Variants in PTPN21 observed in about 807,000 individuals in gnomAD.
PTPN21 encodes protein tyrosine phosphatase non-receptor type 21, also known as tyrosine-protein phosphatase non-receptor type 21.
PTPN21 carries 77 observed loss-of-function variants against 131.8 expected under a neutral mutation model. That is an observed-to-expected ratio of 0.58 (90% CI 0.49 to 0.71). The LOEUF is 0.71. Ranked by LOEUF, PTPN21 falls within the 30% of genes least tolerant of loss-of-function variation. The pLI, the probability that PTPN21 is intolerant of heterozygous loss-of-function variation, is 0.00. For synonymous variants in PTPN21, 715 were observed against 621.3 expected (o/e 1.15, Z -2.24); for missense variants, 1,552 against 1,527.1 (o/e 1.02, Z -0.27).
intron 10 of PTPN21, chr14:88,493,221 T>C: frequency 2.8e-6 from 1 of 354,862 alleles, no homozygotes; most frequent in Non-Finnish European, 5.5e-6. Context: ...AAGCATTTAC[T>C]AAATTATTGT....
rs187025090 is a variant in PTPN21, at chr14:88,500,588, A to T, written c.764+195T>A. Among the ~76,000 whole-genome samples the T allele has an allele frequency of 1.1e-3, 174 of 152,316 alleles. 4 individuals are homozygous for T. The highest frequency in any genetic ancestry group is 3.9e-3 in the African/African-American group (164 of 41,572). ...ATTATAGGCATTATACTCTGGACAT[A>T]GAGTTTTGAAGAAAGCGGCTTATTG... On this transcript the variant is annotated intron_variant, in intron 8 of 18. Coordinates refer to ENST00000556564, the MANE Select transcript of PTPN21 (RefSeq NM_007039.4).
chr14:88,530,068 A>G (rs2078533319), intron 2 of PTPN21, among the ~76,000 whole-genome samples: 1 of 152,158 alleles, frequency 6.6e-6, no homozygotes, highest in South Asian at 2.1e-4. Flanking sequence ...TATCAGATTA[A>G]CAGCAGATTT....
In PTPN21 at chr14:88,531,968, T is replaced by C. The variant is rs951804886; in HGVS notation, c.181-14707A>G. On this transcript the variant is annotated intron_variant, in intron 2 of 18. Transcript: ENST00000556564. ...TACAAAAGATCATTCAAGTCTACTA[T>C]GAACGCCTTTGCGTGCATAAACTAG... Among the ~76,000 whole-genome samples the C allele has an allele frequency of 3.9e-5, 6 of 152,312 alleles. No individual in the cohort carries two copies. The South Asian group carries it at 1.2e-3, about 32-fold the overall frequency.
At position 88,472,363 on chromosome 14, in the gene PTPN21, G is replaced by A. The variant is rs558444501; in HGVS notation, c.2752C>T (p.Leu918Phe). Residue 918 changes from leucine to phenylalanine, a missense_variant, in exon 15 of 19, where the codon CTC becomes TTC. Coordinates refer to ENST00000556564, the MANE Select transcript of PTPN21 (RefSeq NM_007039.4). ...CGATTTCTTTCTGCATTTTCAGGGA[G>A]TCGTGCTGTTGAGCACTCCCCATCA... is the stretch of plus-strand genomic sequence containing the variant. Reference protein sequence around the residue: ...LVDGECSTARLPENAERNRFQ... With the variant: ...LVDGECSTARFPENAERNRFQ... The A allele has an allele frequency of 3.1e-6, 5 of 1,613,606 alleles. No homozygotes were observed. Among genetic ancestry groups the A allele is most frequent in the Non-Finnish European group, 4.2e-6 (5 of 1,179,514 alleles).
In PTPN21 at chr14:88,480,120, G is replaced by A. The variant is rs776604232; in HGVS notation, c.1311C>T (p.His437=). The A allele has an allele frequency of 4.3e-6, 7 of 1,614,200 alleles. No individual in the cohort carries two copies. The highest frequency in any genetic ancestry group is 5.1e-6 in the Non-Finnish European group (6 of 1,180,038). ...GGTAGGACGGGGGTATCACGGCGCT[G>A]TGCCGATGGGACGGGAGGTAGTCAG... is the stretch of plus-strand genomic sequence containing the variant. The part of the protein sequence containing the change: ...MRPDYLPSHR[H]SAVIPPSYRP... Residue 437 remains histidine (H), a synonymous_variant, in exon 13 of 19, where the codon CAC becomes CAT. Coordinates refer to ENST00000556564, the MANE Select transcript of PTPN21 (RefSeq NM_007039.4).
chr14:88,466,067 A>G lies in PTPN21; in HGVS notation c.*2070T>C, dbSNP rs1408216624. 1 of 151,228 alleles carries G rather than the reference A, an allele frequency of 6.6e-6. No individual in the cohort carries two copies. The highest frequency in any genetic ancestry group is 2.4e-5 in the African/African-American group (1 of 41,210). 9.4% of individuals were successfully genotyped at this position (151,228 alleles called of 1,614,324 possible). Reference sequence around the variant, plus strand: ...AAAAGCATTTTCACAAAAACGTACCATGGAGAGGGAGGGGGAGGGGAAGAA... The same window carrying G: ...AAAAGCATTTTCACAAAAACGTACCGTGGAGAGGGAGGGGGAGGGGAAGAA... On this transcript the variant is annotated 3_prime_UTR_variant, in exon 19 of 19. Transcript: ENST00000556564.
At chr14:88,529,835 A>G (rs1232289261) in intron 2 of PTPN21, among the ~76,000 whole-genome samples, 1 of 152,080 alleles carries the variant, frequency 6.6e-6, no homozygotes, top group Non-Finnish European at 1.5e-5. Flanking sequence ...TATAAAAATC[A>G]GCCGGGCATG....
rs939779967 is a variant in PTPN21 at position 88,473,735 on chromosome 14, AGTCCATT to A, written c.2572_2578del (p.Asn858SerfsTer32). On this transcript the variant is annotated frameshift_variant, in exon 14 of 19. Coordinates refer to ENST00000556564, the MANE Select transcript of PTPN21 (RefSeq NM_007039.4). LOFTEE classifies it high-confidence loss of function. ...AGGCAGAGGCACTCGAGATAGGGAG[AGTCCATT>A]TAGGGCAGCCAGTTTAAGAGGACCA... is the stretch of plus-strand genomic sequence containing the variant. 1 of 1,611,066 alleles carries A rather than the reference AGTCCATT, an allele frequency of 6.2e-7. No individual in the cohort carries two copies. The highest frequency in any genetic ancestry group is 1.3e-5 in the African/African-American group (1 of 74,698).
intron 8 of PTPN21, chr14:88,499,326 G>C (rs943406896): frequency 5.9e-5 from 9 of 152,266 alleles, no homozygotes; most frequent in African/African-American, 1.7e-4. Context: ...AAGGAAGTGA[G>C]GGAGGAGATG....
chr14:88,517,766 C>T (rs2078301595), intron 2 of PTPN21, among the ~76,000 whole-genome samples: 1 of 140,096 alleles, frequency 7.1e-6, no homozygotes, highest in Non-Finnish European at 1.5e-5. Flanking sequence ...AGTGTATATA[C>T]ACTATATATA....
intron 15 of PTPN21, chr14:88,470,331 A>G: frequency 2.5e-6 from 1 of 406,182 alleles, no homozygotes; most frequent in Non-Finnish European, 4.5e-6. Context: ...TTTATACAAT[A>G]AAGATACTGC....
chr14:88,472,119 AACAAT>A (rs1224322534), intron 15 of PTPN21, 120 bp downstream of exon 15: 9 of 647,982 alleles, frequency 1.4e-5, no homozygotes, highest in East Asian at 2.7e-5. Flanking sequence ...GTTTATCTAA[AACAAT>A]ACAATAAAAA....
chr14:88,470,298 ACCTTGCTGAAT>A (rs1425551345), intron 15 of PTPN21: 3 of 488,514 alleles, frequency 6.1e-6, no homozygotes, highest in Non-Finnish European at 3.7e-6. Flanking sequence ...AACCTGTTTA[ACCTTGCTGAAT>A]GTCAGTTCTC....
chr14:88,491,054 A>G (rs1365936324), intron 10 of PTPN21, among the ~76,000 whole-genome samples: 1 of 152,226 alleles, frequency 6.6e-6, no homozygotes. Flanking sequence ...TGACATTATT[A>G]TGTCATTTAA....
chr14:88,537,377 A>G (rs1262057731), intron 2 of PTPN21, among the ~76,000 whole-genome samples: 3 of 152,172 alleles, frequency 2.0e-5, no homozygotes, highest in Non-Finnish European at 2.9e-5. Flanking sequence ...TATCCTGGAC[A>G]ATGAGATGCT....
At chr14:88,477,040 T>C (rs1412990589) in intron 13 of PTPN21, among the ~76,000 whole-genome samples, 1 of 152,062 alleles carries the variant, frequency 6.6e-6, no homozygotes, top group Non-Finnish European at 1.5e-5. Context: ...CCGTTCTTAA[T>C]GCAATGGGAA....
chr14:88,531,757 GA>G (rs1456338001), intron 2 of PTPN21, among the ~76,000 whole-genome samples: 1 of 151,946 alleles, frequency 6.6e-6, no homozygotes, highest in African/African-American at 2.4e-5. Context: ...CAGAAAAAAA[GA>G]AATAACAAAG....
intron 4 of PTPN21, among the ~76,000 whole-genome samples, chr14:88,506,472 C>G (rs1471588309): frequency 6.6e-6 from 1 of 152,102 alleles, no homozygotes; most frequent in Admixed American, 6.5e-5. Flanking sequence ...AAGATGAGGT[C>G]TTGCTATGTT....
At chr14:88,508,658 T>C (rs1463573119) in intron 3 of PTPN21, among the ~76,000 whole-genome samples, 1 of 151,902 alleles carries the variant, frequency 6.6e-6, no homozygotes. Context: ...TGGCTAATCT[T>C]TACTTTAAAA....
Sources: allele counts gnomAD v4.1 joint callset (sites outside exome capture counted in the v4.1 genomes callset), GRCh38; gene constraint gnomAD v4.1.1; transcripts MANE v1.5; gene names NCBI Gene and HGNC (gene_info 2026-07-23, HGNC 2026-07-21).